KCMF1: variants seen among roughly 807,000 people sequenced by gnomAD.
KCMF1 encodes the protein E3 ubiquitin-protein ligase KCMF1.
A neutral mutation model predicts 41.1 loss-of-function variants in KCMF1; 3 were observed. That is an observed-to-expected ratio of 0.07 (90% CI 0.03 to 0.19). The LOEUF is 0.19. Ranked by LOEUF, KCMF1 falls within the 10% of genes least tolerant of loss-of-function variation. The pLI is 1.00. For synonymous variants in KCMF1, 142 were observed against 164.5 expected, an observed-to-expected ratio of 0.86 and a Z score of 1.04; for missense variants, 286 against 488.9, an observed-to-expected ratio of 0.58 and a Z score of 3.91.
chr2:85,008,440 A>G (rs1319765976), intron 1 of KCMF1, among the ~76,000 whole-genome samples: 1 of 129,870 alleles, frequency 7.7e-6, no homozygotes. Flanking sequence ...TGATATATAC[A>G]TCATATATCT....
rs1198390068 is a variant in KCMF1, at chr2:85,054,617, C to G, written c.*1208C>G. On this transcript the variant is annotated 3_prime_UTR_variant, in exon 7 of 7. Coordinates refer to ENST00000409785, the MANE Select transcript of KCMF1 (RefSeq NM_020122.5). ...GGAAGGGCCGGGTTATTTTTTATTT[C>G]CTGTTTCAGTTTTTGTGCATAGACT... The G allele has an allele frequency of 6.6e-6, 1 of 151,894 alleles. No homozygotes were observed. Among genetic ancestry groups the G allele is most frequent in the African/African-American group, 2.4e-5 (1 of 41,336 alleles). 9.4% of individuals were successfully genotyped at this position (151,894 alleles called of 1,614,324 possible). A position where few individuals can be genotyped will look rare whatever the true frequency, so the allele number is the denominator to read the frequency against.
At chr2:84,988,188 C>T (rs890075438) in intron 1 of KCMF1, among the ~76,000 whole-genome samples, 1 of 151,504 alleles carries the variant, frequency 6.6e-6, no homozygotes, top group Non-Finnish European at 1.5e-5. Flanking sequence ...GCCAAGATCG[C>T]GCCATTGCAC....
At chr2:85,051,295 A>G (rs990175718) in intron 6 of KCMF1, among the ~76,000 whole-genome samples, 2 of 152,194 alleles carry the variant, frequency 1.3e-5, no homozygotes, top group African/African-American at 4.8e-5. Flanking sequence ...GGTCTATAAC[A>G]TACCAGATCT....
intron 2 of KCMF1, among the ~76,000 whole-genome samples, chr2:85,028,805 A>G (rs116798135): frequency 0.015 from 2,322 of 152,040 alleles, 61 homozygotes; most frequent in African/African-American, 0.052. Context: ...TTACGTACTA[A>G]GTAATTCTGT....
chr2:85,030,782 C>T (rs1055523912), intron 2 of KCMF1, among the ~76,000 whole-genome samples: 5 of 152,102 alleles, frequency 3.3e-5, no homozygotes, highest in Non-Finnish European at 5.9e-5. Context: ...CTGCAGCCTC[C>T]GCTTCCCAGG....
chr2:84,971,484 C>G lies in KCMF1; in HGVS notation c.16+17C>G. 1 of 1,248,474 alleles carries G rather than the reference C, an allele frequency of 8.0e-7. No individual in the cohort carries two copies. The highest frequency in any genetic ancestry group is 1.0e-6 in the Non-Finnish European group (1 of 973,974). 77.3% of individuals were successfully genotyped at this position (1,248,474 alleles called of 1,614,324 possible). ...GACATGAAGGTGAGAGGAGCCCCCG[C>G]CCCCACCCGCACCTCCCGGGCCTCG... is the stretch of plus-strand genomic sequence containing the variant. On this transcript the variant is annotated intron_variant, in intron 1 of 6. Coordinates refer to ENST00000409785, the MANE Select transcript of KCMF1 (RefSeq NM_020122.5).
chr2:85,039,009 T>TG (rs1675464421), intron 3 of KCMF1, among the ~76,000 whole-genome samples: 1 of 152,252 alleles, frequency 6.6e-6, no homozygotes, highest in African/African-American at 2.4e-5. Flanking sequence ...CATAAGCCAC[T>TG]GTGCCCTGCC....
chr2:85,049,123 T>TG (rs1245638935), intron 5 of KCMF1, among the ~76,000 whole-genome samples: 1 of 152,200 alleles, frequency 6.6e-6, no homozygotes, highest in Non-Finnish European at 1.5e-5. Context: ...TAAAGACAAT[T>TG]TAAGTTTTAC....
At chr2:85,035,466 G>A (rs935292339) in intron 3 of KCMF1, among the ~76,000 whole-genome samples, 2 of 152,164 alleles carry the variant, frequency 1.3e-5, no homozygotes, top group African/African-American at 2.4e-5. Flanking sequence ...AACCTGCAGT[G>A]CATCTCTTGT....
intron 1 of KCMF1, among the ~76,000 whole-genome samples, chr2:85,018,487 C>T (rs1674843968): frequency 6.6e-6 from 1 of 151,968 alleles, no homozygotes; most frequent in Non-Finnish European, 1.5e-5. Context: ...CCAGGCTGGT[C>T]TCGAACTCCT....
chr2:84,986,426 G>T (rs531335461), intron 1 of KCMF1, among the ~76,000 whole-genome samples: 1 of 152,252 alleles, frequency 6.6e-6, no homozygotes, highest in East Asian at 1.9e-4. Flanking sequence ...AGGATGAGTT[G>T]GGGGAAGGGG....
chr2:85,027,820 A>T (rs1057009595), intron 1 of KCMF1, 69 bp from the exon 2 acceptor site: 3 of 943,804 alleles, frequency 3.2e-6, no homozygotes, highest in Non-Finnish European at 4.8e-6. Flanking sequence ...AGCACCTGAA[A>T]CATTCATAAA....
chr2:84,990,747 T>C (rs1041667939), intron 1 of KCMF1, among the ~76,000 whole-genome samples: 1 of 150,970 alleles, frequency 6.6e-6, no homozygotes, highest in African/African-American at 2.4e-5. Context: ...TTTGAGGAGG[T>C]GACATTGGAG....
chr2:85,047,610 A>C lies in KCMF1; in HGVS notation c.601+1332A>C, dbSNP rs529651115. ...GGGAAAAATCTTAAAAAAAAAAAAAAAAACACAGTTTTTGAACCTGGCCAT... is the reference window on the plus strand; with the variant it reads ...GGGAAAAATCTTAAAAAAAAAAAAACAAACACAGTTTTTGAACCTGGCCAT... On this transcript the variant is annotated intron_variant, in intron 5 of 6. Coordinates refer to ENST00000409785, the MANE Select transcript of KCMF1 (RefSeq NM_020122.5). Among the ~76,000 whole-genome samples the C allele has an allele frequency of 9.2e-3, 1,401 of 152,152 alleles. 17 individuals are homozygous for C. Among genetic ancestry groups the C allele is most frequent in the African/African-American group, 0.032 (1,314 of 41,496 alleles).
At chr2:85,003,956 G>T (rs1164162682) in intron 1 of KCMF1, among the ~76,000 whole-genome samples, 1 of 152,132 alleles carries the variant, frequency 6.6e-6, no homozygotes, top group Non-Finnish European at 1.5e-5. Flanking sequence ...CCACCCAGTG[G>T]ATGCCTGAAC....
At chr2:84,997,217 C>T (rs527596174) in intron 1 of KCMF1, among the ~76,000 whole-genome samples, 1 of 152,060 alleles carries the variant, frequency 6.6e-6, no homozygotes, top group East Asian at 1.9e-4. Context: ...CTTTTTTTTC[C>T]CTCATAAAAT....
intron 1 of KCMF1, among the ~76,000 whole-genome samples, chr2:85,014,720 CGT>C (rs1305233928): frequency 2.8e-5 from 4 of 141,858 alleles, no homozygotes; most frequent in East Asian, 4.0e-4. Context: ...TGCGTGCGTG[CGT>C]GCGTGTGTGT....
chr2:84,973,269 A>T (rs1673447929), intron 1 of KCMF1, among the ~76,000 whole-genome samples: 1 of 152,184 alleles, frequency 6.6e-6, no homozygotes, highest in Non-Finnish European at 1.5e-5. Flanking sequence ...TGGGAAGAAA[A>T]TTCCTTCACC....
intron 1 of KCMF1, among the ~76,000 whole-genome samples, chr2:84,986,528 G>A (rs1171478643): frequency 6.6e-6 from 1 of 152,128 alleles, no homozygotes; most frequent in African/African-American, 2.4e-5. Context: ...ACAGTGAGGA[G>A]ACCAGAGTTT....
Sources: gnomAD v4.1 joint callset for allele counts (sites outside exome capture counted in the v4.1 genomes callset) on GRCh38, gnomAD v4.1.1 for gene constraint, MANE v1.5 for transcripts, NCBI Gene and HGNC (gene_info 2026-07-23, HGNC 2026-07-21) for gene names.